The following KAT6B variants were observed in gnomAD, a reference collection of about 807,000 sequenced individuals.
The protein encoded by KAT6B is lysine acetyltransferase 6B, also known as histone acetyltransferase KAT6B.
Under a neutral mutation model 187.5 loss-of-function variants are expected in KAT6B, and 10 were observed. The observed-to-expected ratio is 0.05, with a 90% CI of 0.03 to 0.09. The LOEUF (loss-of-function observed/expected upper bound fraction) is 0.09. KAT6B is among the 10% of genes least tolerant of loss of function. The probability of loss-of-function intolerance (pLI) is 1.00; values close to 1 mark genes in which losing one functional copy is unlikely to be tolerated. For missense variants in KAT6B, 1,952 were observed against 2,558.9 expected (o/e 0.76, Z 5.12); for synonymous variants, 861 against 926.8 (o/e 0.93, Z 1.29).
intron 3 of KAT6B, among the ~76,000 whole-genome samples, chr10:74,872,864 G>A (rs1844103508): frequency 6.6e-6 from 1 of 152,004 alleles, no homozygotes; most frequent in African/African-American, 2.4e-5. Flanking sequence ...AATGGTCCTA[G>A]GTTGGAGGAA....
intron 3 of KAT6B, among the ~76,000 whole-genome samples, chr10:74,951,109 T>C (rs556586745): frequency 6.5e-4 from 99 of 151,960 alleles, no homozygotes; most frequent in Non-Finnish European, 1.2e-3. Context: ...TTCCTTCTTT[T>C]TCTTTTTTTT....
chr10:74,879,941 A>C (rs545259519), intron 3 of KAT6B, among the ~76,000 whole-genome samples: 16 of 152,242 alleles, frequency 1.1e-4, no homozygotes, highest in African/African-American at 3.9e-4. Flanking sequence ...CTAAAAATAC[A>C]AAAATTAGCT....
chr10:74,898,415 A>G (rs553027738), intron 3 of KAT6B, among the ~76,000 whole-genome samples: 3 of 151,128 alleles, frequency 2.0e-5, no homozygotes, highest in Non-Finnish European at 4.4e-5. Context: ...GTTTTTTCTA[A>G]CATTGTCTCA....
At chr10:74,898,121 T>C (rs1030772670) in intron 3 of KAT6B, among the ~76,000 whole-genome samples, 4 of 152,130 alleles carry the variant, frequency 2.6e-5, no homozygotes, top group Non-Finnish European at 4.4e-5. Context: ...TATTGTAGAA[T>C]GTTTACTTTT....
At chr10:74,830,635 C>T (rs1018917012) in intron 1 of KAT6B, among the ~76,000 whole-genome samples, 13 of 149,214 alleles carry the variant, frequency 8.7e-5, no homozygotes, top group Non-Finnish European at 1.6e-4. Flanking sequence ...CCTTGCTTCT[C>T]GCCCTCTCCA....
At chr10:74,916,483 G>A (rs1287093709) in intron 3 of KAT6B, among the ~76,000 whole-genome samples, 1 of 152,206 alleles carries the variant, frequency 6.6e-6, no homozygotes, top group Non-Finnish European at 1.5e-5. Context: ...TATCTGCCCA[G>A]TGGTATTGAA....
chr10:74,886,753 A>G (rs926362327), intron 3 of KAT6B, among the ~76,000 whole-genome samples: 4 of 152,158 alleles, frequency 2.6e-5, no homozygotes, highest in Non-Finnish European at 5.9e-5. Flanking sequence ...CAGAGAGGGA[A>G]GGTATGTGTT....
intron 9 of KAT6B, among the ~76,000 whole-genome samples, 194 bp from the exon 10 acceptor site, chr10:74,979,030 T>TG (rs1463895867): frequency 2.0e-5 from 3 of 152,022 alleles, no homozygotes; most frequent in Non-Finnish European, 2.9e-5. Context: ...TTTTTGCCAT[T>TG]GAAAAAATTA....
At chr10:75,022,990 C>T (rs1845553710) in intron 16 of KAT6B, among the ~76,000 whole-genome samples, 1 of 152,158 alleles carries the variant, frequency 6.6e-6, no homozygotes, top group Non-Finnish European at 1.5e-5. Context: ...GTTCTTGGCA[C>T]AGAATTGTTA....
Position 74,878,328 on chromosome 10 carries a change from G to A in KAT6B, c.621+34850G>A, listed in dbSNP as rs1460219288. ...TGGTCAGCCAGGGAGACTATAGTGG[G>A]TGCATTAGTAACTAACCATACAACT... On this transcript the variant is annotated intron_variant, in intron 3 of 17. Transcript: ENST00000287239. Among the ~76,000 whole-genome samples the A allele has an allele frequency of 2.6e-5, 4 of 152,116 alleles. No homozygotes were observed. In the South Asian group the frequency reaches 6.2e-4, roughly 24 times the overall value.
Position 75,029,243 on chromosome 10 carries a change from C to A in KAT6B, c.4419C>A (p.Val1473=), listed in dbSNP as rs1324609188. 2 of 1,614,142 alleles carry A rather than the reference C, an allele frequency of 1.2e-6. No individual in the cohort carries two copies. Among genetic ancestry groups the A allele is most frequent in the Non-Finnish European group, 1.7e-6 (2 of 1,180,038 alleles). ...NVQPGHSNPE[V]LMDCGVDLTA... ...AGCCTGGTCACTCGAACCCAGAGGT[C>A]TTAATGGACTGTGGCGTCGACCTGA... is the stretch of plus-strand genomic sequence containing the variant. Residue 1473 remains valine, a synonymous_variant, in exon 18 of 18, where the codon GTC becomes GTA. Coordinates refer to ENST00000287239, the MANE Select transcript of KAT6B (RefSeq NM_012330.4). This position sits in a 1 kb window ranked among gnomAD's most constrained non-coding sequence, Gnocchi z 6.2.
intron 3 of KAT6B, among the ~76,000 whole-genome samples, chr10:74,921,156 C>G (rs1182262519): frequency 6.9e-6 from 1 of 144,348 alleles, no homozygotes; most frequent in African/African-American, 2.6e-5. Flanking sequence ...CCCTTGTTGC[C>G]CAGGCTGGAG....
chr10:74,938,131 G>A (rs1040396737), intron 3 of KAT6B, among the ~76,000 whole-genome samples: 4 of 152,094 alleles, frequency 2.6e-5, no homozygotes, highest in African/African-American at 7.2e-5. Flanking sequence ...TGTTGTTGTC[G>A]TTGTTGTTTT....
At chr10:75,007,172 A>G (rs1257706761) in intron 13 of KAT6B, among the ~76,000 whole-genome samples, 1 of 152,202 alleles carries the variant, frequency 6.6e-6, no homozygotes, top group Non-Finnish European at 1.5e-5. Context: ...AACAACATCA[A>G]CAGTTGCAAA....
chr10:74,916,837 C>T (rs1047253055), intron 3 of KAT6B, among the ~76,000 whole-genome samples: 9 of 152,200 alleles, frequency 5.9e-5, no homozygotes, highest in South Asian at 2.1e-4. Context: ...CACGGTGGCT[C>T]ATGCCTGTCA....
chr10:74,922,213 T>A (rs1284501390), intron 3 of KAT6B, among the ~76,000 whole-genome samples: 1 of 152,248 alleles, frequency 6.6e-6, no homozygotes, highest in Non-Finnish European at 1.5e-5. Context: ...AATATAAGGA[T>A]GGCTTTTTAG....
At chr10:74,884,348 C>T (rs1845079082) in intron 3 of KAT6B, among the ~76,000 whole-genome samples, 1 of 152,208 alleles carries the variant, frequency 6.6e-6, no homozygotes, top group South Asian at 2.1e-4. Context: ...ATGCATTGCC[C>T]TCTGCATAGG....
At chr10:74,982,336 A>G in intron 11 of KAT6B, 3 of 224,928 alleles carry the variant, frequency 1.3e-5, no homozygotes, top group Non-Finnish European at 1.8e-5. Flanking sequence ...CTCAATACAC[A>G]ACCACCTGTG....
chr10:74,854,468 T>C (rs1206922167), intron 3 of KAT6B, among the ~76,000 whole-genome samples: 1 of 152,080 alleles, frequency 6.6e-6, no homozygotes, highest in Admixed American at 6.6e-5. Context: ...GTATGTTTTT[T>C]CTGTTTTTTT....
Sources: allele counts gnomAD v4.1 joint callset (sites outside exome capture counted in the v4.1 genomes callset), GRCh38; gene constraint gnomAD v4.1.1; non-coding constraint Gnocchi (gnomAD v3.1); transcripts MANE v1.5; gene names NCBI Gene and HGNC (gene_info 2026-07-23, HGNC 2026-07-21).